The following SESN3 variants were observed in gnomAD, a reference collection of about 807,000 sequenced individuals.
SESN3 encodes sestrin-3.
Under a neutral mutation model 55.3 loss-of-function variants are expected in SESN3, and 21 were observed. The observed-to-expected ratio is 0.38, with a 90% CI of 0.27 to 0.55. The LOEUF (loss-of-function observed/expected upper bound fraction) is 0.55, where lower values mean the gene tolerates loss of function less well. SESN3 is among the 20% of genes least tolerant of loss of function. The pLI, the probability that SESN3 is intolerant of heterozygous loss-of-function variation, is 0.76. For synonymous variants in SESN3, 181 were observed against 203.1 expected, an observed-to-expected ratio of 0.89 and a Z score of 0.93; for missense variants, 408 against 604.3, an observed-to-expected ratio of 0.68 and a Z score of 3.41.
At chr11:95,191,752 T>A in intron 2 of SESN3, 151 bp from the exon 3 acceptor site, 3 of 627,666 alleles carry the variant, frequency 4.8e-6, no homozygotes, top group Non-Finnish European at 5.5e-6. Flanking sequence ...GAAACAGAAA[T>A]AAAAAAAGAA....
chr11:95,225,923 C>G (rs1860939838), intron 1 of SESN3, among the ~76,000 whole-genome samples: 1 of 151,568 alleles, frequency 6.6e-6, no homozygotes, highest in Non-Finnish European at 1.5e-5. Context: ...GCTGAAGTGT[C>G]AAGGAGGCAA....
chr11:95,204,970 C>G (rs894088081), intron 1 of SESN3: 4 of 152,120 alleles, frequency 2.6e-5, no homozygotes, highest in Admixed American at 2.0e-4. Context: ...CGGGAGTAAC[C>G]AAAACAGGAA....
intron 6 of SESN3, among the ~76,000 whole-genome samples, chr11:95,181,147 T>C (rs1039863594): frequency 1.3e-5 from 2 of 152,108 alleles, no homozygotes; most frequent in African/African-American, 2.4e-5. Flanking sequence ...ATGGTTTCAT[T>C]TGGCAAATAC....
intron 5 of SESN3, 110 bp from the exon 6 acceptor site, chr11:95,184,704 T>C (rs1030832654): frequency 7.2e-6 from 7 of 973,438 alleles, no homozygotes; most frequent in East Asian, 2.5e-5. Context: ...GGCACAGTTA[T>C]GAAGTTCTTA....
intron 1 of SESN3, among the ~76,000 whole-genome samples, chr11:95,196,701 A>C (rs1860367158): frequency 6.6e-6 from 1 of 152,168 alleles, no homozygotes. Context: ...CATTAACCAC[A>C]TTTCAGATGC....
intron 6 of SESN3, chr11:95,184,144 C>G: frequency 2.4e-6 from 1 of 422,530 alleles, no homozygotes; most frequent in Non-Finnish European, 4.2e-6. Flanking sequence ...ATATGTCTAT[C>G]TAACTTTATA....
intron 1 of SESN3, chr11:95,200,865 C>T (rs1176705066): frequency 6.6e-6 from 1 of 152,012 alleles, no homozygotes; most frequent in Non-Finnish European, 1.5e-5. Context: ...AACATTTCCA[C>T]TCAAAAGTAC....
intron 1 of SESN3, among the ~76,000 whole-genome samples, chr11:95,209,016 A>G (rs1217469332): frequency 6.6e-6 from 1 of 151,586 alleles, no homozygotes; most frequent in Non-Finnish European, 1.5e-5. Context: ...ATGGGCAAAG[A>G]CTTCATGACT....
In SESN3 at chr11:95,168,784, C is replaced by A. The variant is rs987738742; in HGVS notation, c.*4471G>T. Reference sequence around the variant, plus strand: ...AAAGTAAATGCTGGTGACTTATCAGCGGGTGGCTGGTGATGTTTGGTTTGG... The same window carrying A: ...AAAGTAAATGCTGGTGACTTATCAGAGGGTGGCTGGTGATGTTTGGTTTGG... On this transcript the variant is annotated 3_prime_UTR_variant, in exon 10 of 10. Coordinates refer to ENST00000536441, the MANE Select transcript of SESN3 (RefSeq NM_144665.4). 1 of 152,362 alleles carries A rather than the reference C, an allele frequency of 6.6e-6. No homozygotes were observed. The highest frequency in any genetic ancestry group is 2.4e-5 in the African/African-American group (1 of 41,390). The allele number at this position is 152,362 out of a possible 1,614,324, so 9.4% of individuals were successfully genotyped here. A position where few individuals can be genotyped will look rare whatever the true frequency, so the allele number is the denominator to read the frequency against.
intron 1 of SESN3, among the ~76,000 whole-genome samples, chr11:95,226,233 C>G (rs989024003): frequency 1.3e-5 from 2 of 152,076 alleles, no homozygotes; most frequent in African/African-American, 4.8e-5. Flanking sequence ...CTTTCTTACA[C>G]GGTTTATAAA....
chr11:95,211,638 C>T (rs553003495), intron 1 of SESN3, among the ~76,000 whole-genome samples: 85 of 152,170 alleles, frequency 5.6e-4, no homozygotes, highest in African/African-American at 1.1e-3. Flanking sequence ...GGCATGGTGG[C>T]GCACGCCTGT....
At chr11:95,193,387 G>A in intron 2 of SESN3, 70 bp downstream of exon 2, 2 of 874,600 alleles carry the variant, frequency 2.3e-6, no homozygotes, top group South Asian at 1.5e-5. Context: ...ATATTAACAG[G>A]AGATATTCTT....
At chr11:95,216,637 A>G (rs1460839794) in intron 1 of SESN3, among the ~76,000 whole-genome samples, 1 of 152,198 alleles carries the variant, frequency 6.6e-6, no homozygotes, top group East Asian at 1.9e-4. Flanking sequence ...TTATCAATTC[A>G]TTCCATTTTC....
chr11:95,186,194 C>CTGTGTGTGTGTGTG (rs35466696), intron 4 of SESN3, among the ~76,000 whole-genome samples: 4,960 of 107,516 alleles, frequency 0.046, 200 homozygotes, highest in East Asian at 0.067. Context: ...CTATCTCTCA[C>CTGTGTGTGTGTGTG]TGTGTGTGTG....
chr11:95,222,289 A>G (rs1160390927), intron 1 of SESN3, among the ~76,000 whole-genome samples: 1 of 152,232 alleles, frequency 6.6e-6, no homozygotes, highest in South Asian at 2.1e-4. Flanking sequence ...GATGATATTT[A>G]ATTGAAATAT....
intron 5 of SESN3, 68 bp from the exon 6 acceptor site, chr11:95,184,662 C>A: frequency 7.2e-7 from 1 of 1,397,374 alleles, no homozygotes; most frequent in Non-Finnish European, 9.9e-7. Context: ...ATCTCCATCT[C>A]CAAATGTCAC....
rs1318759001 is a variant in SESN3, at chr11:95,200,512, C to A, written c.79-6990G>T. Among the ~76,000 whole-genome samples, 3 of 152,160 alleles carry A rather than the reference C, an allele frequency of 2.0e-5. No individual in the cohort carries two copies. The East Asian group carries it at 5.8e-4, about 29-fold the overall frequency. On this transcript the variant is annotated intron_variant, in intron 1 of 9. Coordinates refer to ENST00000536441, the MANE Select transcript of SESN3 (RefSeq NM_144665.4). ...GTGAGAATGTTTTAAATTACACCAG[C>A]ATCTCTTCTCTTACTTGAAGCTAGA...
In SESN3 at chr11:95,170,897, A is replaced by C. The variant is rs1224205823; in HGVS notation, c.*2358T>G. 2 of 152,192 alleles carry C rather than the reference A, an allele frequency of 1.3e-5. No homozygotes were observed. 9.4% of individuals were successfully genotyped at this position (152,192 alleles called of 1,614,324 possible). The stretch of plus-strand genomic sequence containing the variant: ...GCAAGGAAAGAGATCTATTAAAGGC[A>C]CTAATATTTCCATAGCCTAAACTCC... On this transcript the variant is annotated 3_prime_UTR_variant, in exon 10 of 10. Transcript: ENST00000536441.
chr11:95,216,237 G>A (rs899894924), intron 1 of SESN3, among the ~76,000 whole-genome samples: 2 of 151,856 alleles, frequency 1.3e-5, no homozygotes, highest in African/African-American at 4.8e-5. Context: ...ACAATAAAAT[G>A]TGTTAAGATG....
Sources: gnomAD v4.1 joint callset for allele counts (sites outside exome capture counted in the v4.1 genomes callset) on GRCh38, gnomAD v4.1.1 for gene constraint, MANE v1.5 for transcripts, NCBI Gene and HGNC (gene_info 2026-07-23, HGNC 2026-07-21) for gene names.